Variants in STK32B observed in about 807,000 individuals in gnomAD.
STK32B encodes the protein serine/threonine-protein kinase 32B.
Under a neutral mutation model 52.6 loss-of-function variants are expected in STK32B, and 43 were observed. The ratio of observed to expected loss-of-function variants is 0.82; its 90% CI spans 0.64 to 1.05. The LOEUF is 1.05. Ranked by LOEUF, STK32B falls within the 50% of genes least tolerant of loss-of-function variation. The pLI is 0.00. For synonymous variants in STK32B, 238 were observed against 204.3 expected, an observed-to-expected ratio of 1.17 and a Z score of -1.41; for missense variants, 621 against 534.6, an observed-to-expected ratio of 1.16 and a Z score of -1.59.
intron 6 of STK32B, among the ~76,000 whole-genome samples, chr4:5,437,340 T>C (rs1193827236): frequency 2.0e-5 from 3 of 152,226 alleles, no homozygotes; most frequent in Non-Finnish European, 4.4e-5. Flanking sequence ...CCATGTGCCC[T>C]CAGAAGCCAC....
At chr4:5,439,613 T>A (rs1223879115) in intron 6 of STK32B, among the ~76,000 whole-genome samples, 1 of 151,942 alleles carries the variant, frequency 6.6e-6, no homozygotes, top group African/African-American at 2.4e-5. Flanking sequence ...TTTAATTAGA[T>A]CCCATTTGTC....
chr4:5,076,673 T>C (rs2108771558), intron 1 of STK32B, among the ~76,000 whole-genome samples: 1 of 152,314 alleles, frequency 6.6e-6, no homozygotes, highest in Non-Finnish European at 1.5e-5. Context: ...GTGGAAAATG[T>C]ATGAAAAAGC....
intron 4 of STK32B, among the ~76,000 whole-genome samples, chr4:5,385,061 G>T (rs999290714): frequency 2.6e-5 from 4 of 152,160 alleles, no homozygotes; most frequent in African/African-American, 4.8e-5. Flanking sequence ...GCGTCCACAG[G>T]TGACTGCAAC....
chr4:5,401,983 G>A (rs554104388), intron 5 of STK32B, among the ~76,000 whole-genome samples: 5 of 152,326 alleles, frequency 3.3e-5, no homozygotes, highest in Admixed American at 2.0e-4. Flanking sequence ...GCTGTCAGCC[G>A]ATCCCCTCTG....
intron 3 of STK32B, among the ~76,000 whole-genome samples, chr4:5,230,612 C>G (rs571219323): frequency 6.6e-6 from 1 of 152,270 alleles, no homozygotes; most frequent in East Asian, 1.9e-4. Flanking sequence ...TCATTTTGAA[C>G]TTCTGGACAC....
In STK32B at chr4:5,466,717, C is replaced by A; in HGVS notation, c.924C>A (p.Asn308Lys). ...PGFVPNKGRLNCDPTFELEEM... is the reference protein window; with the variant it reads ...PGFVPNKGRLKCDPTFELEEM... ...CTCCCCTTTAGAAAGGGAGGTTGAA[C>A]TGCGATCCCACATTTGAGCTTGAAG... is the stretch of plus-strand genomic sequence containing the variant. The change falls in exon 10 of 12, where the codon AAC (asparagine) becomes AAA (lysine). Residue 308 changes from asparagine (N) to lysine (K), a missense_variant. Asn to Lys is a moderately conservative substitution (Grantham distance 94). Transcript: ENST00000282908. 1 of 1,613,452 alleles carries A rather than the reference C, an allele frequency of 6.2e-7. No homozygotes were observed. The highest frequency in any genetic ancestry group is 8.5e-7 in the Non-Finnish European group (1 of 1,179,758).
At chr4:5,191,218 T>C (rs1721175882) in intron 3 of STK32B, among the ~76,000 whole-genome samples, 4 of 151,924 alleles carry the variant, frequency 2.6e-5, no homozygotes, top group Non-Finnish European at 5.9e-5. Context: ...GGGGTTGAGT[T>C]TGTGGACCAG....
At chr4:5,339,456 T>C (rs1032702313) in intron 4 of STK32B, among the ~76,000 whole-genome samples, 4 of 152,182 alleles carry the variant, frequency 2.6e-5, no homozygotes, top group Admixed American at 2.0e-4. Context: ...TGTGTGTATG[T>C]GTAGATTTGA....
At chr4:5,390,793 G>C (rs1736548798) in intron 4 of STK32B, among the ~76,000 whole-genome samples, 1 of 151,890 alleles carries the variant, frequency 6.6e-6, no homozygotes, top group South Asian at 2.1e-4. Context: ...TCAAGATGTT[G>C]GTACAATTGG....
intron 6 of STK32B, among the ~76,000 whole-genome samples, chr4:5,444,249 C>T (rs11728356): frequency 2.0e-5 from 3 of 152,114 alleles, no homozygotes; most frequent in Non-Finnish European, 2.9e-5. Flanking sequence ...TAGCAATCAG[C>T]GAGACTCCGT....
At chr4:5,236,598 A>G (rs1012111344) in intron 3 of STK32B, among the ~76,000 whole-genome samples, 1 of 152,228 alleles carries the variant, frequency 6.6e-6, no homozygotes, top group Non-Finnish European at 1.5e-5. Context: ...ACGTATATAA[A>G]GTACACACAG....
At chr4:5,367,599 C>T (rs1734957046) in intron 4 of STK32B, among the ~76,000 whole-genome samples, 1 of 152,182 alleles carries the variant, frequency 6.6e-6, no homozygotes, top group South Asian at 2.1e-4. Flanking sequence ...TTGTTGATAT[C>T]AACCCAGTCA....
chr4:5,279,117 C>CCCGAAAGTCT (rs1728029932), intron 3 of STK32B, among the ~76,000 whole-genome samples: 1 of 152,136 alleles, frequency 6.6e-6, no homozygotes, highest in Non-Finnish European at 1.5e-5. Context: ...GCCGACAGTC[C>CCCGAAAGTCT]CCGAAAGTCT....
At chr4:5,225,621 T>C (rs1461637885) in intron 3 of STK32B, among the ~76,000 whole-genome samples, 3 of 152,238 alleles carry the variant, frequency 2.0e-5, no homozygotes, top group East Asian at 3.9e-4. Context: ...CTTAGAGGGC[T>C]GGTGATTTGG....
At chr4:5,159,812 T>TATA (rs1553840576) in intron 2 of STK32B, among the ~76,000 whole-genome samples, 8 of 149,314 alleles carry the variant, frequency 5.4e-5, no homozygotes, top group Non-Finnish European at 7.4e-5. Context: ...TATATATATG[T>TATA]TATTGGAGTT....
At chr4:5,185,355 T>C (rs1291982018) in intron 3 of STK32B, among the ~76,000 whole-genome samples, 1 of 152,218 alleles carries the variant, frequency 6.6e-6, no homozygotes, top group Non-Finnish European at 1.5e-5. Flanking sequence ...TGTAGGTTTC[T>C]AGAATCATTT....
intron 6 of STK32B, among the ~76,000 whole-genome samples, chr4:5,445,548 C>A (rs945582563): frequency 8.5e-5 from 13 of 152,118 alleles, no homozygotes; most frequent in Non-Finnish European, 1.9e-4. Context: ...CACCACTCAG[C>A]CCCTTGGAGA....
intron 11 of STK32B, among the ~76,000 whole-genome samples, chr4:5,494,829 T>C (rs1047774694): frequency 6.6e-6 from 1 of 152,194 alleles, no homozygotes; most frequent in Non-Finnish European, 1.5e-5. Flanking sequence ...TCTCCTTCAC[T>C]TTTGAAGCTT....
chr4:5,056,108 G>C (rs1741995916), intron 1 of STK32B, among the ~76,000 whole-genome samples: 1 of 152,110 alleles, frequency 6.6e-6, no homozygotes, highest in Admixed American at 6.5e-5. Flanking sequence ...GCCGCATTAG[G>C]TTCTCATGGG....
Sources: gnomAD v4.1 joint callset for allele counts (sites outside exome capture counted in the v4.1 genomes callset) on GRCh38, gnomAD v4.1.1 for gene constraint, MANE v1.5 for transcripts, NCBI Gene and HGNC (gene_info 2026-07-23, HGNC 2026-07-21) for gene names.